Variants in TSPAN18 observed in about 807,000 individuals in gnomAD.
TSPAN18 encodes the protein tetraspanin 18.
A neutral mutation model predicts 27.3 loss-of-function variants in TSPAN18; 14 were observed. That is an observed-to-expected ratio of 0.51 (90% CI 0.34 to 0.80). The LOEUF (loss-of-function observed/expected upper bound fraction) is 0.80. TSPAN18 is among the 30% of genes least tolerant of loss of function. TSPAN18 has a pLI of 0.01. For synonymous variants in TSPAN18, 143 were observed against 136.5 expected, an observed-to-expected ratio of 1.05 and a Z score of -0.33; for missense variants, 268 against 323.9, an observed-to-expected ratio of 0.83 and a Z score of 1.32.
At chr11:44,742,885 A>G (rs1383043503) in intron 1 of TSPAN18, among the ~76,000 whole-genome samples, 1 of 152,204 alleles carries the variant, frequency 6.6e-6, no homozygotes, top group African/African-American at 2.4e-5. Flanking sequence ...GGCTGAGGAC[A>G]TGGATGGACC....
At chr11:44,912,600 G>A (rs1272485379) in intron 5 of TSPAN18, among the ~76,000 whole-genome samples, 1 of 152,136 alleles carries the variant, frequency 6.6e-6, no homozygotes, top group African/African-American at 2.4e-5. Flanking sequence ...GTTATGTTAT[G>A]TCAGGTCCTG....
chr11:44,824,790 G>C (rs1038360477), intron 2 of TSPAN18, among the ~76,000 whole-genome samples: 15 of 152,204 alleles, frequency 9.9e-5, no homozygotes, highest in African/African-American at 3.4e-4. Flanking sequence ...TCAATTTTGG[G>C]AGAAGCCGGA....
At position 44,930,580 on chromosome 11, in the gene TSPAN18, G is replaced by A. The variant is rs1476838600; in HGVS notation, c.*1402G>A. Reference sequence around the variant, plus strand: ...AGTATTCCCTCCAGGCTTGGGCAGGGAGACTCGCAGATGCACACCCACAAG... The same window carrying A: ...AGTATTCCCTCCAGGCTTGGGCAGGAAGACTCGCAGATGCACACCCACAAG... On this transcript the variant is annotated 3_prime_UTR_variant, in exon 10 of 10. Coordinates refer to ENST00000520358, the MANE Select transcript of TSPAN18 (RefSeq NM_130783.5). 3.3e-6 allele frequency: 1 copy of A among 302,424 alleles called. No homozygotes were observed. Among genetic ancestry groups the A allele is most frequent in the Non-Finnish European group, 6.6e-6 (1 of 151,538 alleles). 18.7% of individuals were successfully genotyped at this position (302,424 alleles called of 1,614,324 possible).
intron 3 of TSPAN18, among the ~76,000 whole-genome samples, chr11:44,888,893 T>G (rs1451375616): frequency 6.6e-6 from 1 of 152,234 alleles, no homozygotes; most frequent in Admixed American, 6.5e-5. Context: ...TCTTGAATTG[T>G]AATCCCCATG....
At chr11:44,871,919 A>G (rs1354060301) in intron 3 of TSPAN18, among the ~76,000 whole-genome samples, 2 of 151,960 alleles carry the variant, frequency 1.3e-5, no homozygotes, top group Admixed American at 1.3e-4. Flanking sequence ...GGAGCTCTGT[A>G]GTTTCTCTTC....
chr11:44,912,775 T>C (rs1412969916), intron 5 of TSPAN18, among the ~76,000 whole-genome samples: 7 of 152,154 alleles, frequency 4.6e-5, no homozygotes, highest in African/African-American at 1.4e-4. Flanking sequence ...ATGGGTGTTG[T>C]ATGTGCATGG....
chr11:44,857,498 T>C (rs972785295), intron 2 of TSPAN18, among the ~76,000 whole-genome samples: 1 of 152,328 alleles, frequency 6.6e-6, no homozygotes, highest in African/African-American at 2.4e-5. Context: ...CCAGACTTCA[T>C]CTACAGGATG....
At chr11:44,797,493 G>A (rs1856376640) in intron 2 of TSPAN18, among the ~76,000 whole-genome samples, 1 of 152,148 alleles carries the variant, frequency 6.6e-6, no homozygotes, top group Non-Finnish European at 1.5e-5. Flanking sequence ...ATGATGGCGG[G>A]GTGGGGAGGA....
chr11:44,905,072 A>G (rs1022624567), intron 3 of TSPAN18, among the ~76,000 whole-genome samples: 3 of 152,202 alleles, frequency 2.0e-5, no homozygotes, highest in African/African-American at 4.8e-5. Flanking sequence ...ACTTCATTTT[A>G]AATTGATGAA....
intron 3 of TSPAN18, among the ~76,000 whole-genome samples, chr11:44,900,701 T>A (rs1355270793): frequency 1.4e-5 from 2 of 138,704 alleles, no homozygotes; most frequent in East Asian, 4.3e-4. Context: ...TTTTTTTTTT[T>A]TTTTTTTTTT....
intron 2 of TSPAN18, among the ~76,000 whole-genome samples, chr11:44,817,439 G>A (rs1856838694): frequency 6.6e-6 from 1 of 152,206 alleles, no homozygotes; most frequent in African/African-American, 2.4e-5. Flanking sequence ...GTTGATGTCT[G>A]CTCTCTGTGT....
chr11:44,774,673 C>A (rs73450641), intron 2 of TSPAN18, among the ~76,000 whole-genome samples: 2,001 of 152,054 alleles, frequency 0.013, 23 homozygotes, highest in African/African-American at 0.029. Flanking sequence ...TTCTTTTTTT[C>A]TTTCCTCCAT....
chr11:44,864,660 G>C (rs1170445464), intron 3 of TSPAN18, among the ~76,000 whole-genome samples: 1 of 152,222 alleles, frequency 6.6e-6, no homozygotes, highest in African/African-American at 2.4e-5. Flanking sequence ...GGACCTTATG[G>C]GGTGGATTGC....
At chr11:44,865,113 A>G (rs547207753) in intron 3 of TSPAN18, among the ~76,000 whole-genome samples, 1 of 152,352 alleles carries the variant, frequency 6.6e-6, no homozygotes. Context: ...GGAATTTTCA[A>G]GTAGTGGAAT....
chr11:44,909,932 T>G (rs781308186), intron 5 of TSPAN18, 33 bp downstream of exon 5: 14 of 1,581,782 alleles, frequency 8.9e-6, no homozygotes, highest in Admixed American at 8.6e-5. Context: ...CATCCATGGG[T>G]GCTCTGAGGG....
At chr11:44,736,252 C>T (rs1318535755) in intron 1 of TSPAN18, 1 of 152,154 alleles carries the variant, frequency 6.6e-6, no homozygotes, top group Non-Finnish European at 1.5e-5. Flanking sequence ...AAGTGTTTGC[C>T]AGTCGTGTTA....
intron 2 of TSPAN18, among the ~76,000 whole-genome samples, chr11:44,779,460 A>T (rs1227535562): frequency 2.6e-5 from 4 of 152,068 alleles, no homozygotes; most frequent in African/African-American, 4.8e-5. Context: ...GACCCTGGAG[A>T]AGGTTAATGG....
At chr11:44,806,325 G>A (rs898004244) in intron 2 of TSPAN18, among the ~76,000 whole-genome samples, 2 of 152,142 alleles carry the variant, frequency 1.3e-5, no homozygotes, top group African/African-American at 2.4e-5. Flanking sequence ...ATGAGCCACC[G>A]CGCCTGGCCA....
rs1197589419 is a variant in TSPAN18 at position 44,798,643 on chromosome 11, C to T, written c.-153+34131C>T. 3.3e-5 allele frequency among the ~76,000 whole-genome samples: 5 copies of T among 152,226 alleles called. No homozygotes were observed. The East Asian group carries it at 9.7e-4, about 30-fold the overall frequency. On this transcript the variant is annotated intron_variant, in intron 2 of 9. Coordinates refer to ENST00000520358, the MANE Select transcript of TSPAN18 (RefSeq NM_130783.5). ...CCTCACCCCCTGCCCTCCCCTTGGC[C>T]TTCCTGGAACTGATGCTGAGTATAT... is the stretch of plus-strand genomic sequence containing the variant.
Sources: gnomAD v4.1 joint callset for allele counts (sites outside exome capture counted in the v4.1 genomes callset) on GRCh38, gnomAD v4.1.1 for gene constraint, MANE v1.5 for transcripts, NCBI Gene and HGNC (gene_info 2026-07-23, HGNC 2026-07-21) for gene names.